The following ITGA5 variants were observed in gnomAD, a reference collection of about 807,000 sequenced individuals.
ITGA5 encodes integrin alpha-5.
Under a neutral mutation model 146.3 loss-of-function variants are expected in ITGA5, and 55 were observed. The observed-to-expected ratio is 0.38, with a 90% CI of 0.30 to 0.47. The LOEUF (loss-of-function observed/expected upper bound fraction) is 0.47, where lower values mean the gene tolerates loss of function less well. ITGA5 is among the 20% of genes least tolerant of loss of function. The probability of loss-of-function intolerance (pLI) is 0.99; values close to 1 mark genes in which losing one functional copy is unlikely to be tolerated. For missense variants in ITGA5, 1,131 were observed against 1,329.0 expected (o/e 0.85, Z 2.32); for synonymous variants, 500 against 531.8 (o/e 0.94, Z 0.82).
Position 54,405,178 on chromosome 12 carries a change from C to T in ITGA5, c.1213G>A (p.Asp405Asn), listed in dbSNP as rs578020993. 9 of 1,602,326 alleles carry T rather than the reference C, an allele frequency of 5.6e-6. No homozygotes were observed. The South Asian group carries it at 7.8e-5, about 14-fold the overall frequency. ...SLTPLGDLDQ[D>N]GYNDVAIGAP... Reference sequence around the variant, plus strand: ...CCATGGTACTCACCATTGTAGCCATCCTGGTCCAGGTCCCCCAGGGGGGTC... The same window carrying T: ...CCATGGTACTCACCATTGTAGCCATTCTGGTCCAGGTCCCCCAGGGGGGTC... The change falls in exon 12 of 30, where the codon GAT (aspartate) becomes AAT (asparagine). Residue 405 changes from aspartate to asparagine, a missense_variant. Physicochemically the swap from Asp to Asn is conservative, Grantham distance 23. This residue lies in a region of ITGA5 where 889 missense variants were observed against 1,021.5 expected (regional missense o/e 0.87). Transcript: ENST00000293379.
Position 54,408,128 on chromosome 12 carries a change from A to G in ITGA5, c.799T>C (p.Tyr267His), listed in dbSNP as rs757828604. 12 of 1,614,066 alleles carry G rather than the reference A, an allele frequency of 7.4e-6. No homozygotes were observed. The East Asian group carries it at 2.7e-4, about 36-fold the overall frequency. Residue 267 changes from tyrosine to histidine, a missense_variant, in exon 7 of 30, where the codon TAT becomes CAT. By Grantham distance (83) the Tyr-to-His change is moderately conservative. Coordinates refer to ENST00000293379, the MANE Select transcript of ITGA5 (RefSeq NM_002205.5). ...QLQTRQASSI[Y>H]DDSYLGYSVA... is the part of the protein sequence containing the mutation. Reference sequence around the variant, plus strand: ...TGCTCACCTAGGTAGCTGTCATCATAGATGGAACTGGCCTGGCGAGTCTGC... The same window carrying G: ...TGCTCACCTAGGTAGCTGTCATCATGGATGGAACTGGCCTGGCGAGTCTGC...
At chr12:54,404,635 CAGA>C in intron 13 of ITGA5, 65 bp downstream of exon 13, 1 of 1,517,106 alleles carries the variant, frequency 6.6e-7, no homozygotes, top group East Asian at 2.3e-5. Flanking sequence ...AGGAAAGGTG[CAGA>C]AGAGAGAGTA....
rs1219054392 is a variant in ITGA5, at chr12:54,403,574, C to T, written c.1776+51G>A. On this transcript the variant is annotated intron_variant, in intron 17 of 29. Coordinates refer to ENST00000293379, the MANE Select transcript of ITGA5 (RefSeq NM_002205.5). The surrounding 1 kb of genome is among the most constrained non-coding windows in gnomAD (Gnocchi z 4.9). ...TTCCCTTCAGGAGGTGCCCTCAGTTCTGTGTGGCCACCCTCCCTGGCCAGT... is the reference window on the plus strand; with the variant it reads ...TTCCCTTCAGGAGGTGCCCTCAGTTTTGTGTGGCCACCCTCCCTGGCCAGT... 5 of 1,572,622 alleles carry T rather than the reference C, an allele frequency of 3.2e-6. No individual in the cohort carries two copies. The highest frequency in any genetic ancestry group is 2.3e-5 in the South Asian group (2 of 87,162).
At position 54,405,875 on chromosome 12, in the gene ITGA5, C is replaced by G. The variant is rs761036310; in HGVS notation, c.958G>C (p.Glu320Gln). 1.4e-5 allele frequency: 23 copies of G among 1,613,878 alleles called. 1 individual carries two copies. The South Asian group carries it at 2.4e-4, about 17-fold the overall frequency. ...GGGTTGAGGGGTATCCTTACCTGTTCCCCTGAGAAGTTGTAGAGGGATCGA... is the reference window on the plus strand; with the variant it reads ...GGGTTGAGGGGTATCCTTACCTGTTGCCCTGAGAAGTTGTAGAGGGATCGA... ...DIRSLYNFSGEQMASYFGYAV... is the reference protein window; with the variant it reads ...DIRSLYNFSGQQMASYFGYAV... The change falls in exon 10 of 30, where the codon GAA becomes CAA. Residue 320 changes from glutamate (E) to glutamine (Q), a missense_variant. Glu to Gln is a conservative substitution (Grantham distance 29, BLOSUM62 2). Around this residue, in one of 3 missense-constraint regions of ITGA5, gnomAD observed 889 missense variants for 1,021.5 expected, o/e 0.87. Coordinates refer to ENST00000293379, the MANE Select transcript of ITGA5 (RefSeq NM_002205.5).
Position 54,399,640 on chromosome 12 carries a change from C to T in ITGA5, c.2841+5G>A. On this transcript the variant is annotated splice_donor_5th_base_variant and intron_variant, in intron 27 of 29. Transcript: ENST00000293379. ...GGGGTCAGGGCTGAGGTAAGGCTCC[C>T]TCACCTGCAAGAAAGTCTTGGCCCA... 6.2e-7 allele frequency: 1 copy of T among 1,610,244 alleles called. No individual in the cohort carries two copies. The highest frequency in any genetic ancestry group is 8.5e-7 in the Non-Finnish European group (1 of 1,176,426).
intron 9 of ITGA5, 152 bp downstream of exon 9, chr12:54,407,497 T>C (rs756322311): frequency 5.5e-5 from 38 of 694,818 alleles, no homozygotes; most frequent in Non-Finnish European, 8.8e-5. Context: ...AGCAGAATGA[T>C]TCTGCCAGAG....
Position 54,418,019 on chromosome 12 carries a change from T to C in ITGA5, c.218+962A>G, listed in dbSNP as rs561815741. Among the ~76,000 whole-genome samples the C allele has an allele frequency of 2.1e-4, 32 of 152,258 alleles. No homozygotes were observed. In the South Asian group the frequency reaches 6.4e-3, roughly 31 times the overall value. ...TGTGCTGAGTTGGGAATAAGGATCC[T>C]CCTTTGAGATTTCCAGGGTCCTGAG... On this transcript the variant is annotated intron_variant, in intron 1 of 29. Coordinates refer to ENST00000293379, the MANE Select transcript of ITGA5 (RefSeq NM_002205.5).
intron 7 of ITGA5, 78 bp from the exon 8 acceptor site, chr12:54,407,954 C>T (rs1007582132): frequency 6.6e-7 from 1 of 1,518,438 alleles, no homozygotes; most frequent in African/African-American, 1.4e-5. Flanking sequence ...CAATCCCTTC[C>T]CCACCCCTAC....
intron 9 of ITGA5, among the ~76,000 whole-genome samples, chr12:54,406,288 A>G (rs1174695545): frequency 6.6e-6 from 1 of 152,190 alleles, no homozygotes; most frequent in Non-Finnish European, 1.5e-5. Flanking sequence ...GCACTCAATA[A>G]TAATTATGAC....
In ITGA5 at chr12:54,403,108, T is replaced by G; in HGVS notation, c.1915-58A>C. 1 of 1,607,924 alleles carries G rather than the reference T, an allele frequency of 6.2e-7. No homozygotes were observed. The highest frequency in any genetic ancestry group is 8.5e-7 in the Non-Finnish European group (1 of 1,176,710). On this transcript the variant is annotated intron_variant, in intron 18 of 29. Transcript: ENST00000293379. The surrounding 1 kb of genome is among the most constrained non-coding windows in gnomAD (Gnocchi z 4.9). The stretch of plus-strand genomic sequence containing the variant: ...TTAGACCCATTCCTGGGCTGTAGGC[T>G]CTTCTCTTTCCATGGCCCTGCCCCC...
intron 6 of ITGA5, 117 bp downstream of exon 6, chr12:54,408,639 T>G: frequency 1.1e-6 from 1 of 903,764 alleles, no homozygotes; most frequent in Non-Finnish European, 1.7e-6. Context: ...GGCAGGAGAA[T>G]CGCTTGAACC....
chr12:54,402,129 TC>T, intron 20 of ITGA5, 36 bp from the exon 21 acceptor site: 1 of 1,613,348 alleles, frequency 6.2e-7, no homozygotes, highest in Non-Finnish European at 8.5e-7. Flanking sequence ...GGTTTTGGTG[TC>T]CCCTCTAGAG....
chr12:54,398,834 T>A, intron 27 of ITGA5, 136 bp from the exon 28 acceptor site: 23 of 321,312 alleles, frequency 7.2e-5, no homozygotes, highest in Non-Finnish European at 8.7e-5. Context: ...TCTCTCTCTC[T>A]CTTTTTTTTT....
In ITGA5 at chr12:54,396,791, C is replaced by T. The variant is rs146052964; in HGVS notation, c.3067-415G>A. ...CTCAAACTCCTGGGCTCAAGCGATC[C>T]TCCCACCTCAGCCTCCAGAGTAGCT... is the stretch of plus-strand genomic sequence containing the variant. On this transcript the variant is annotated intron_variant, in intron 29 of 29. Transcript: ENST00000293379. Among the ~76,000 whole-genome samples the T allele has an allele frequency of 8.7e-3, 1,322 of 152,248 alleles. 14 individuals carry two copies. Among genetic ancestry groups the T allele is most frequent in the Middle Eastern group, 0.027 (8 of 294 alleles).
intron 20 of ITGA5, 35 bp from the exon 21 acceptor site, chr12:54,402,128 G>A (rs1955794379): frequency 6.2e-7 from 1 of 1,613,318 alleles, no homozygotes; most frequent in Non-Finnish European, 8.5e-7. Flanking sequence ...AGGTTTTGGT[G>A]TCCCCTCTAG....
chr12:54,409,164 T>A lies in ITGA5; in HGVS notation c.583+68A>T. 6.4e-7 allele frequency: 1 copy of A among 1,567,496 alleles called. No individual in the cohort carries two copies. Among genetic ancestry groups the A allele is most frequent in the Non-Finnish European group, 8.6e-7 (1 of 1,158,810 alleles). ...GCACATGGTAGGTGCGAGTCAACCC[T>A]AAGTATGTGAGACACTTCAAGTATA... On this transcript the variant is annotated intron_variant, in intron 4 of 29. Coordinates refer to ENST00000293379, the MANE Select transcript of ITGA5 (RefSeq NM_002205.5). The surrounding 1 kb of genome is among the most constrained non-coding windows in gnomAD (Gnocchi z 4.7).
At position 54,398,648 on chromosome 12, in the gene ITGA5, C is replaced by T; in HGVS notation, c.2892G>A (p.Leu964=). ...SLQCEAVYKA[L]KMPYRILPRQ... is the part of the protein sequence containing the mutation. ...GAGGCAGGATTCGGTAGGGCATCTT[C>T]AGGGCTTTGTACACAGCCTCACACT... Residue 964 remains leucine (L), a synonymous_variant, in exon 28 of 30, where the codon CTG becomes CTA. Coordinates refer to ENST00000293379, the MANE Select transcript of ITGA5 (RefSeq NM_002205.5). 1.9e-6 allele frequency: 3 copies of T among 1,611,004 alleles called. No individual in the cohort carries two copies. Among genetic ancestry groups the T allele is most frequent in the Non-Finnish European group, 2.5e-6 (3 of 1,178,870 alleles).
chr12:54,408,622 A>T (rs1955898417), intron 6 of ITGA5, 134 bp downstream of exon 6: 1 of 792,920 alleles, frequency 1.3e-6, no homozygotes, highest in East Asian at 2.7e-5. Context: ...GCTACTTGGG[A>T]GGCTGAGGCA....
In ITGA5 at chr12:54,408,204, A is replaced by C; in HGVS notation, c.723T>G (p.Ile241Met). ...GGTACTCGGGGTAATAAGATTCTGCAATCTGCTCCTGAGTGGCAGACAGGA... is the reference window on the plus strand; with the variant it reads ...GGTACTCGGGGTAATAAGATTCTGCCATCTGCTCCTGAGTGGCAGACAGGA... ...GQILSATQEQ[I>M]AESYYPEYLI... is the part of the protein sequence containing the mutation. The change falls in exon 7 of 30, where the codon ATT (isoleucine) becomes ATG (methionine). Residue 241 changes from isoleucine (I) to methionine (M), a missense_variant. Ile to Met is a conservative substitution (Grantham distance 10, BLOSUM62 1). Coordinates refer to ENST00000293379, the MANE Select transcript of ITGA5 (RefSeq NM_002205.5). The C allele has an allele frequency of 6.2e-7, 1 of 1,614,128 alleles. No homozygotes were observed. The highest frequency in any genetic ancestry group is 8.5e-7 in the Non-Finnish European group (1 of 1,180,010).
Sources: allele counts gnomAD v4.1 joint callset (sites outside exome capture counted in the v4.1 genomes callset), GRCh38; gene constraint gnomAD v4.1.1; regional missense constraint gnomAD v4.1.1; non-coding constraint Gnocchi (gnomAD v3.1); transcripts MANE v1.5; gene names NCBI Gene and HGNC (gene_info 2026-07-23, HGNC 2026-07-21).